The following CPVL variants were observed in gnomAD, a reference collection of about 807,000 sequenced individuals.
CPVL encodes carboxypeptidase vitellogenic like.
Under a neutral mutation model 63.7 loss-of-function variants are expected in CPVL, and 51 were observed. The observed-to-expected ratio is 0.80, with a 90% CI of 0.64 to 1.01. The LOEUF (loss-of-function observed/expected upper bound fraction) is 1.01. Among genes scored for constraint, CPVL ranks in the 50% least tolerant of loss-of-function variants. The pLI is 0.00. For missense variants in CPVL, 530 were observed against 573.1 expected, an observed-to-expected ratio of 0.92 and a Z score of 0.77; for synonymous variants, 195 against 206.0, an observed-to-expected ratio of 0.95 and a Z score of 0.46.
intron 3 of CPVL, among the ~76,000 whole-genome samples, chr7:29,101,716 G>A (rs1056550679): frequency 3.3e-5 from 5 of 150,826 alleles, no homozygotes; most frequent in East Asian, 3.9e-4. Context: ...CCTCTTCCCC[G>A]ACAAATTCTA....
intron 5 of CPVL, among the ~76,000 whole-genome samples, chr7:29,159,030 A>G (rs1351347335): frequency 3.3e-5 from 5 of 152,246 alleles, no homozygotes; most frequent in South Asian, 2.1e-4. Flanking sequence ...GGAATCTGCT[A>G]TCAGAGAAAA....
intron 1 of CPVL, among the ~76,000 whole-genome samples, chr7:29,187,130 G>C (rs1299613856): frequency 6.6e-6 from 1 of 152,136 alleles, no homozygotes; most frequent in Non-Finnish European, 1.5e-5. Context: ...GGTGAGAGTG[G>C]TCATAATACC....
intron 5 of CPVL, among the ~76,000 whole-genome samples, chr7:29,154,645 C>T (rs1794083971): frequency 6.6e-6 from 1 of 152,026 alleles, no homozygotes; most frequent in Non-Finnish European, 1.5e-5. Context: ...ACCAGCCTGG[C>T]CAACATGGTG....
chr7:29,062,885 T>A (rs1279689341), intron 11 of CPVL, among the ~76,000 whole-genome samples: 1 of 152,212 alleles, frequency 6.6e-6, no homozygotes, highest in Non-Finnish European at 1.5e-5. Context: ...CCCTGTTTTT[T>A]GTTCATTCAA....
chr7:29,113,061 A>G, intron 2 of CPVL: 1 of 434,706 alleles, frequency 2.3e-6, no homozygotes, highest in Non-Finnish European at 4.2e-6. Flanking sequence ...GTGCCCAAAT[A>G]TATTTTATAA....
intron 1 of CPVL, among the ~76,000 whole-genome samples, chr7:29,123,348 A>G (rs1203340215): frequency 6.6e-6 from 1 of 151,924 alleles, no homozygotes; most frequent in East Asian, 1.9e-4. Context: ...CCCCACACTT[A>G]ATGTAAATAA....
intron 7 of CPVL, chr7:29,082,201 G>C (rs991082732): frequency 4.6e-5 from 7 of 151,414 alleles, no homozygotes; most frequent in African/African-American, 1.7e-4. Flanking sequence ...TAGGTATTAC[G>C]TTAAAACTGC....
intron 5 of CPVL, among the ~76,000 whole-genome samples, chr7:29,172,588 T>C (rs554250926): frequency 6.6e-6 from 1 of 152,310 alleles, no homozygotes; most frequent in South Asian, 2.1e-4. Flanking sequence ...TCCAGATAAA[T>C]TGAATTTTTA....
intron 11 of CPVL, among the ~76,000 whole-genome samples, chr7:29,044,080 G>A (rs935872082): frequency 4.6e-5 from 7 of 152,234 alleles, no homozygotes; most frequent in African/African-American, 1.4e-4. Context: ...ATGTGTGACC[G>A]TGACATACAG....
intron 2 of CPVL, among the ~76,000 whole-genome samples, chr7:29,117,883 A>C (rs947729478): frequency 6.6e-6 from 1 of 152,216 alleles, no homozygotes; most frequent in Non-Finnish European, 1.5e-5. Flanking sequence ...TAGGGATATA[A>C]TGACTAAATG....
At chr7:29,059,267 A>G (rs1002662719) in intron 11 of CPVL, among the ~76,000 whole-genome samples, 2 of 152,060 alleles carry the variant, frequency 1.3e-5, no homozygotes, top group Non-Finnish European at 2.9e-5. Context: ...TATAATCTCC[A>G]TATCTCTATT....
chr7:29,158,095 A>G (rs537526630), intron 5 of CPVL, among the ~76,000 whole-genome samples: 3 of 152,156 alleles, frequency 2.0e-5, no homozygotes, highest in Non-Finnish European at 4.4e-5. Context: ...CACTCCTCCA[A>G]ATTCCCATCT....
At chr7:29,063,354 T>A (rs757361827) in intron 11 of CPVL, among the ~76,000 whole-genome samples, 1 of 152,070 alleles carries the variant, frequency 6.6e-6, no homozygotes, top group Non-Finnish European at 1.5e-5. Context: ...TTAGGCAAAA[T>A]GCATTTTCAG....
upstream of CPVL, among the ~76,000 whole-genome samples, chr7:29,148,178 G>A (rs535930939): frequency 9.9e-5 from 15 of 152,180 alleles, no homozygotes; most frequent in Non-Finnish European, 2.1e-4. Flanking sequence ...ATTTGGGGAG[G>A]GAATTTGGAA....
At chr7:29,101,956 A>C (rs1787187471) in intron 3 of CPVL, among the ~76,000 whole-genome samples, 1 of 152,212 alleles carries the variant, frequency 6.6e-6, no homozygotes, top group Admixed American at 6.5e-5. Context: ...TATTTTGCTC[A>C]ACAGTATGCA....
intron 11 of CPVL, among the ~76,000 whole-genome samples, chr7:29,044,638 T>C (rs1356086343): frequency 6.6e-6 from 1 of 152,048 alleles, no homozygotes; most frequent in African/African-American, 2.4e-5. Flanking sequence ...AAAGATGGAG[T>C]AGCCACTACA....
chr7:29,020,303 G>C (rs1339884492), intron 12 of CPVL, among the ~76,000 whole-genome samples: 1 of 152,128 alleles, frequency 6.6e-6, no homozygotes, highest in Non-Finnish European at 1.5e-5. Flanking sequence ...CAGATGGGGG[G>C]AGGTAACATG....
chr7:29,148,543 A>C (rs1793101255), upstream of CPVL: 1 of 152,232 alleles, frequency 6.6e-6, no homozygotes, highest in Non-Finnish European at 1.5e-5. Context: ...CAGAAGAGAA[A>C]ATTACATTTA....
At chr7:29,123,548 A>G (rs1789584015) in intron 1 of CPVL, among the ~76,000 whole-genome samples, 2 of 139,152 alleles carry the variant, frequency 1.4e-5, no homozygotes, top group African/African-American at 2.6e-5. Context: ...TAGCACAGCT[A>G]CTTTCAAGGG....
Sources: allele counts gnomAD v4.1 joint callset (sites outside exome capture counted in the v4.1 genomes callset), GRCh38; gene constraint gnomAD v4.1.1; transcripts MANE v1.5; gene names NCBI Gene and HGNC (gene_info 2026-07-23, HGNC 2026-07-21).